Variants in LINGO2 observed in about 807,000 individuals in gnomAD.
The protein encoded by LINGO2 is leucine rich repeat and Ig domain containing 2, also known as leucine-rich repeat and immunoglobulin-like domain-containing nogo receptor-interacting protein 2.
Under a neutral mutation model 30.6 loss-of-function variants are expected in LINGO2, and 14 were observed. The ratio of observed to expected loss-of-function variants is 0.46; its 90% CI spans 0.30 to 0.72. The LOEUF (loss-of-function observed/expected upper bound fraction) is 0.72. Among genes scored for constraint, LINGO2 ranks in the 30% least tolerant of loss-of-function variants. LINGO2 has a pLI of 0.07. For synonymous variants in LINGO2, 317 were observed against 288.5 expected (o/e 1.10, Z -1.00); for missense variants, 729 against 751.7 (o/e 0.97, Z 0.35).
chr9:28,682,317 G>C, the LINGO2 span, among the ~76,000 whole-genome samples: 155 of 152,270 alleles, frequency 1.0e-3, no homozygotes, highest in African/African-American at 3.4e-3. Context: ...TCCTGAACCT[G>C]TTCCGCATTC....
At chr9:28,853,701 T>G in the LINGO2 span, among the ~76,000 whole-genome samples, 3 of 151,876 alleles carry the variant, frequency 2.0e-5, no homozygotes, top group Non-Finnish European at 2.9e-5. Context: ...GGAGTGAGAA[T>G]TGCAAGCAGG....
the LINGO2 span, among the ~76,000 whole-genome samples, chr9:29,038,302 C>A: frequency 2.0e-4 from 31 of 152,066 alleles, no homozygotes; most frequent in African/African-American, 7.2e-4. Flanking sequence ...GTAGTGTTTA[C>A]TGATAATTGA....
intron 1 of LINGO2, among the ~76,000 whole-genome samples, chr9:28,591,953 A>G (rs1824934585): frequency 6.6e-6 from 1 of 152,054 alleles, no homozygotes; most frequent in Admixed American, 6.6e-5. Flanking sequence ...CACAATGGGC[A>G]GAAGCCAGAA....
At chr9:28,582,749 C>A (rs1389344864) in intron 1 of LINGO2, among the ~76,000 whole-genome samples, 1 of 152,064 alleles carries the variant, frequency 6.6e-6, no homozygotes, top group Non-Finnish European at 1.5e-5. Context: ...CGCAGCTCTC[C>A]TTTACAGTCA....
At chr9:28,120,919 C>T (rs1827077049) in intron 4 of LINGO2, among the ~76,000 whole-genome samples, 1 of 152,094 alleles carries the variant, frequency 6.6e-6, no homozygotes, top group Admixed American at 6.5e-5. Flanking sequence ...AACAAAACTG[C>T]CTGGATTTAA....
At chr9:28,827,067 A>G in the LINGO2 span, among the ~76,000 whole-genome samples, 1 of 152,206 alleles carries the variant, frequency 6.6e-6, no homozygotes, top group Non-Finnish European at 1.5e-5. Flanking sequence ...TTAATAGCCC[A>G]TTAATACTTT....
At chr9:29,161,684 G>A in the LINGO2 span, among the ~76,000 whole-genome samples, 385 of 152,204 alleles carry the variant, frequency 2.5e-3, 2 homozygotes, top group African/African-American at 8.9e-3. Flanking sequence ...CTATACTGCT[G>A]ATCTAGGAAT....
intron 2 of LINGO2, among the ~76,000 whole-genome samples, chr9:28,415,434 T>A (rs778687100): frequency 3.3e-5 from 5 of 152,180 alleles, no homozygotes; most frequent in African/African-American, 4.8e-5. Flanking sequence ...ATATTGACAA[T>A]AAATCCTAAA....
the LINGO2 span, among the ~76,000 whole-genome samples, chr9:29,160,949 C>G: frequency 6.6e-6 from 1 of 152,324 alleles, no homozygotes; most frequent in Non-Finnish European, 1.5e-5. Flanking sequence ...GTATAAATGC[C>G]CTGCTGATGT....
chr9:28,701,852 T>C, the LINGO2 span, among the ~76,000 whole-genome samples: 1 of 151,980 alleles, frequency 6.6e-6, no homozygotes, highest in Non-Finnish European at 1.5e-5. Flanking sequence ...TTTATACATA[T>C]TTTGTTAGAT....
In LINGO2 at chr9:28,326,018, T is replaced by C. The variant is rs528341990; in HGVS notation, c.-245-30652A>G. ...TTCATACATACAAACTTTTGTTTTG[T>C]TTTGTTTAGACAAAGTCTCGCTCTG... On this transcript the variant is annotated intron_variant, in intron 3 of 5. Coordinates refer to ENST00000379992, the Ensembl canonical transcript of LINGO2. 3.0e-4 allele frequency among the ~76,000 whole-genome samples: 46 copies of C among 152,308 alleles called. 1 individual carries two copies. In the South Asian group the frequency reaches 6.2e-3, roughly 21 times the overall value.
At chr9:29,209,039 A>C in the LINGO2 span, among the ~76,000 whole-genome samples, 1 of 152,120 alleles carries the variant, frequency 6.6e-6, no homozygotes, top group African/African-American at 2.4e-5. Context: ...AAAATATGAT[A>C]CTTATTTCTG....
chr9:28,562,718 C>G (rs181354190), intron 1 of LINGO2, among the ~76,000 whole-genome samples: 8 of 151,986 alleles, frequency 5.3e-5, no homozygotes, highest in Admixed American at 1.3e-4. Flanking sequence ...ATTTTTCTGA[C>G]AGATTTTATA....
At chr9:28,016,682 TAAA>T (rs72138034) in intron 4 of LINGO2, among the ~76,000 whole-genome samples, 29 of 115,318 alleles carry the variant, frequency 2.5e-4, no homozygotes, top group Non-Finnish European at 3.9e-4. Flanking sequence ...ATTAAACCAG[TAAA>T]AAAAAAAAAA....
intron 1 of LINGO2, among the ~76,000 whole-genome samples, chr9:28,522,555 T>C (rs1206130195): frequency 1.3e-5 from 2 of 152,150 alleles, no homozygotes; most frequent in Non-Finnish European, 1.5e-5. Context: ...CTTTGTCACT[T>C]CTAAGGAACT....
intron 5 of LINGO2, among the ~76,000 whole-genome samples, chr9:27,985,310 T>C (rs1178133394): frequency 6.6e-6 from 1 of 151,924 alleles, no homozygotes; most frequent in Non-Finnish European, 1.5e-5. Flanking sequence ...AAATAGTATT[T>C]CAAATTAAAC....
chr9:28,404,568 A>C (rs957833436), intron 2 of LINGO2, among the ~76,000 whole-genome samples: 1 of 152,170 alleles, frequency 6.6e-6, no homozygotes. Flanking sequence ...AAGTATGAGA[A>C]CCTATAGCAC....
At chr9:29,149,454 T>C in the LINGO2 span, among the ~76,000 whole-genome samples, 1 of 147,262 alleles carries the variant, frequency 6.8e-6, no homozygotes, top group East Asian at 2.0e-4. Context: ...ACACCAAGAG[T>C]TGATAGAGAA....
the LINGO2 span, among the ~76,000 whole-genome samples, chr9:29,015,629 C>A: frequency 2.0e-5 from 3 of 152,048 alleles, no homozygotes; most frequent in African/African-American, 7.2e-5. Context: ...CAGTGTCAAC[C>A]ATAGTGAAGT....
Sources: gnomAD v4.1 joint callset for allele counts (sites outside exome capture counted in the v4.1 genomes callset) on GRCh38, gnomAD v4.1.1 for gene constraint, MANE v1.5 for transcripts, NCBI Gene and HGNC (gene_info 2026-07-23, HGNC 2026-07-21) for gene names.